The following ARHGAP29 variants were observed in gnomAD, a reference collection of about 807,000 sequenced individuals.
ARHGAP29 encodes the protein rho GTPase-activating protein 29.
In ARHGAP29, 43 loss-of-function variants were observed where a neutral mutation model predicts 122.6. The observed-to-expected ratio is 0.35, with a 90% CI of 0.27 to 0.45. The LOEUF is 0.45. Among genes scored for constraint, ARHGAP29 ranks in the 20% least tolerant of loss-of-function variants. The pLI is 1.00. For missense variants in ARHGAP29, 1,303 were observed against 1,477.2 expected (o/e 0.88, Z 1.93); for synonymous variants, 506 against 497.1 (o/e 1.02, Z -0.24).
In ARHGAP29 at chr1:94,178,165, A is replaced by G; in HGVS notation, c.2483T>C (p.Val828Ala). The change falls in exon 21 of 23, where the codon GTA (valine) becomes GCA (alanine). Residue 828 changes from valine to alanine, a missense_variant and splice_region_variant. Val to Ala is a moderately conservative substitution (Grantham distance 64, BLOSUM62 0). Coordinates refer to ENST00000260526, the MANE Select transcript of ARHGAP29 (RefSeq NM_004815.4). ...LHFLIVHLKR[V>A]VDHAEENKMN... is the part of the protein sequence containing the mutation. ...CTTGTTTTCTTCTGCATGATCTACTACCCTGCAAAGTAGAACACATAAAGT... is the reference window on the plus strand; with the variant it reads ...CTTGTTTTCTTCTGCATGATCTACTGCCCTGCAAAGTAGAACACATAAAGT... 6.2e-7 allele frequency: 1 copy of G among 1,610,970 alleles called. No homozygotes were observed. Among genetic ancestry groups the G allele is most frequent in the Non-Finnish European group, 8.5e-7 (1 of 1,178,436 alleles).
At chr1:94,220,451 C>T in intron 2 of ARHGAP29, 59 bp from the exon 3 acceptor site, 7 of 1,427,326 alleles carry the variant, frequency 4.9e-6, no homozygotes, top group East Asian at 2.5e-5. Context: ...ATCTAAACTA[C>T]AAAACGTCAT....
chr1:94,279,455 A>G (rs192709589), upstream of ARHGAP29, among the ~76,000 whole-genome samples: 3 of 152,324 alleles, frequency 2.0e-5, no homozygotes, highest in East Asian at 3.9e-4. Context: ...TTCTCCTTCC[A>G]GTATGTTCCA....
At chr1:94,302,229 T>C in the ARHGAP29 span, 1 of 254,120 alleles carries the variant, frequency 3.9e-6, no homozygotes, top group African/African-American at 2.3e-5. Flanking sequence ...AGGCTGAAAA[T>C]GGAAATCCCA....
At chr1:94,299,738 G>C in the ARHGAP29 span, among the ~76,000 whole-genome samples, 1 of 152,054 alleles carries the variant, frequency 6.6e-6, no homozygotes, top group Non-Finnish European at 1.5e-5. Flanking sequence ...CCACCCTCTG[G>C]GGATAAGGGA....
chr1:94,241,291 A>G (rs574311772), upstream of ARHGAP29, among the ~76,000 whole-genome samples: 1 of 152,336 alleles, frequency 6.6e-6, no homozygotes, highest in African/African-American at 2.4e-5. Context: ...AAAAAGATGG[A>G]AAGAAAAATC....
intron 12 of ARHGAP29, chr1:94,195,151 T>C (rs1257457585): frequency 2.6e-5 from 4 of 152,210 alleles, no homozygotes; most frequent in Admixed American, 6.5e-5. Context: ...ACTGTAGTCA[T>C]TAGAACGAGA....
the ARHGAP29 span, among the ~76,000 whole-genome samples, chr1:94,287,600 C>A: frequency 6.6e-6 from 1 of 152,014 alleles, no homozygotes; most frequent in Non-Finnish European, 1.5e-5. Context: ...GTTTGCTGCA[C>A]CCATTAACTC....
the ARHGAP29 span, among the ~76,000 whole-genome samples, chr1:94,311,783 C>T: frequency 7.9e-5 from 12 of 152,286 alleles, no homozygotes; most frequent in South Asian, 2.1e-4. Flanking sequence ...AGACAGCTTC[C>T]GCATATGTAC....
At chr1:94,274,670 C>T (rs1438505530) in intron 1 of ARHGAP29, among the ~76,000 whole-genome samples, 1 of 152,170 alleles carries the variant, frequency 6.6e-6, no homozygotes, top group Non-Finnish European at 1.5e-5. Context: ...GAAAACATAG[C>T]AAAAGGGCAA....
chr1:94,266,568 T>G (rs1451650920), intron 1 of ARHGAP29, among the ~76,000 whole-genome samples: 6 of 152,152 alleles, frequency 3.9e-5, no homozygotes, highest in Non-Finnish European at 8.8e-5. Context: ...TACTATGGCC[T>G]TTGCTTCTTT....
At chr1:94,198,531 G>A (rs1446551974) in intron 12 of ARHGAP29, among the ~76,000 whole-genome samples, 3 of 151,890 alleles carry the variant, frequency 2.0e-5, no homozygotes, top group Admixed American at 6.6e-5. Context: ...TTTAAATAAA[G>A]GAAATCTATA....
chr1:94,310,708 A>G, the ARHGAP29 span, among the ~76,000 whole-genome samples: 2 of 152,086 alleles, frequency 1.3e-5, no homozygotes, highest in South Asian at 2.1e-4. Flanking sequence ...AAAGGCCAAC[A>G]TGGTAATCAA....
At chr1:94,309,684 GGAGA>G in the ARHGAP29 span, among the ~76,000 whole-genome samples, 3 of 152,192 alleles carry the variant, frequency 2.0e-5, no homozygotes, top group African/African-American at 7.2e-5. Context: ...GGATGATGCA[GGAGA>G]GAAAGAGTGA....
intron 1 of ARHGAP29, among the ~76,000 whole-genome samples, chr1:94,251,566 T>C (rs1405978681): frequency 6.6e-6 from 1 of 152,220 alleles, no homozygotes; most frequent in Non-Finnish European, 1.5e-5. Flanking sequence ...TAGAAAAAGA[T>C]ATTAGGAAAT....
chr1:94,298,348 T>C, the ARHGAP29 span, among the ~76,000 whole-genome samples: 1 of 152,248 alleles, frequency 6.6e-6, no homozygotes, highest in African/African-American at 2.4e-5. Flanking sequence ...ACTAAGTGTT[T>C]ACGGTCTTTC....
chr1:94,235,535 T>C (rs760600316), intron 1 of ARHGAP29, among the ~76,000 whole-genome samples: 34 of 152,172 alleles, frequency 2.2e-4, no homozygotes, highest in Non-Finnish European at 4.9e-4. Flanking sequence ...CTACAATACA[T>C]AAGTGGATTG....
At chr1:94,305,289 C>T in the ARHGAP29 span, among the ~76,000 whole-genome samples, 1 of 152,198 alleles carries the variant, frequency 6.6e-6, no homozygotes, top group Non-Finnish European at 1.5e-5. Flanking sequence ...CCAGGATGCT[C>T]TTGTGTGCCA....
the ARHGAP29 span, among the ~76,000 whole-genome samples, chr1:94,305,978 C>G: frequency 3.3e-5 from 5 of 152,202 alleles, no homozygotes; most frequent in Non-Finnish European, 7.4e-5. Context: ...TACACTGGAA[C>G]AACAACTCAT....
upstream of ARHGAP29, among the ~76,000 whole-genome samples, chr1:94,237,998 A>ACTCTGCCC (rs1236246328): frequency 1.2e-4 from 16 of 133,534 alleles, no homozygotes; most frequent in East Asian, 3.3e-3. Flanking sequence ...CCAGCCATCT[A>ACTCTGCCC]CTCTGCCCCT....
Sources: allele counts gnomAD v4.1 joint callset (sites outside exome capture counted in the v4.1 genomes callset), GRCh38; gene constraint gnomAD v4.1.1; transcripts MANE v1.5; gene names NCBI Gene and HGNC (gene_info 2026-07-23, HGNC 2026-07-21).